Variants in GRID1 observed in about 807,000 individuals in gnomAD.
The protein encoded by GRID1 is glutamate ionotropic receptor delta type subunit 1.
In GRID1, 28 loss-of-function variants were observed where a neutral mutation model predicts 98.0. The ratio of observed to expected loss-of-function variants is 0.29; its 90% CI spans 0.21 to 0.39. The LOEUF (loss-of-function observed/expected upper bound fraction) is 0.39. GRID1 is among the 10% of genes least tolerant of loss of function. The probability of loss-of-function intolerance (pLI) is 1.00; values close to 1 mark genes in which losing one functional copy is unlikely to be tolerated. For missense variants in GRID1, 1,111 were observed against 1,340.5 expected (o/e 0.83, Z 2.67); for synonymous variants, 553 against 538.5 (o/e 1.03, Z -0.37).
At chr10:86,189,682 G>A (rs746529984) in intron 3 of GRID1, among the ~76,000 whole-genome samples, 10 of 152,134 alleles carry the variant, frequency 6.6e-5, no homozygotes, top group Non-Finnish European at 1.0e-4. Context: ...GTCAGGGGCT[G>A]TCTTAAGCGG....
intron 2 of GRID1, among the ~76,000 whole-genome samples, chr10:86,218,916 AGGACAATGC>A (rs1261266719): frequency 6.6e-6 from 1 of 152,226 alleles, no homozygotes; most frequent in Admixed American, 6.5e-5. Flanking sequence ...AGGCAGCAAC[AGGACAATGC>A]GGGATGTACA....
At chr10:85,924,782 A>G (rs1296433420) in intron 4 of GRID1, among the ~76,000 whole-genome samples, 1 of 152,252 alleles carries the variant, frequency 6.6e-6, no homozygotes, top group Non-Finnish European at 1.5e-5. Flanking sequence ...CTAGTAAATC[A>G]TTAGACCTCC....
chr10:85,937,348 A>G (rs1841940841), intron 4 of GRID1, among the ~76,000 whole-genome samples: 2 of 152,226 alleles, frequency 1.3e-5, no homozygotes, highest in South Asian at 4.1e-4. Flanking sequence ...TCAGCAGGGG[A>G]AAAAGGTAGC....
At chr10:86,295,516 G>A (rs952099998) in intron 2 of GRID1, among the ~76,000 whole-genome samples, 1 of 152,156 alleles carries the variant, frequency 6.6e-6, no homozygotes, top group South Asian at 2.1e-4. Context: ...AACTATATAG[G>A]GAACAAAACT....
intron 4 of GRID1, among the ~76,000 whole-genome samples, chr10:85,958,453 C>G (rs1173105609): frequency 1.3e-5 from 2 of 152,150 alleles, no homozygotes; most frequent in Non-Finnish European, 2.9e-5. Context: ...GAATATTAAT[C>G]TGAGTGTGTC....
At chr10:86,113,244 C>A (rs11201886) in intron 4 of GRID1, among the ~76,000 whole-genome samples, 80,079 of 151,894 alleles carry the variant, frequency 0.53, 23,518 homozygotes, top group East Asian at 0.71. Context: ...AACCCCAACT[C>A]CTCGTCTAGC....
intron 5 of GRID1, among the ~76,000 whole-genome samples, chr10:85,894,923 G>A (rs574112802): frequency 4.8e-4 from 71 of 149,058 alleles, no homozygotes; most frequent in Middle Eastern, 3.5e-3. Context: ...CAGGAGAATC[G>A]CTTGAACCTG....
intron 4 of GRID1, among the ~76,000 whole-genome samples, chr10:86,035,728 G>A (rs1490279925): frequency 6.6e-6 from 1 of 152,150 alleles, no homozygotes; most frequent in Non-Finnish European, 1.5e-5. Context: ...GAGGGAGACA[G>A]ATAATGAGCA....
chr10:86,298,861 G>C (rs765028128), intron 2 of GRID1, among the ~76,000 whole-genome samples: 5 of 152,176 alleles, frequency 3.3e-5, no homozygotes, highest in Non-Finnish European at 5.9e-5. Flanking sequence ...GGCTGACATT[G>C]GTAATGGTTT....
chr10:86,148,020 C>G (rs946759612), intron 3 of GRID1, among the ~76,000 whole-genome samples: 3 of 152,244 alleles, frequency 2.0e-5, no homozygotes, highest in African/African-American at 4.8e-5. Flanking sequence ...CCCCCCTCCT[C>G]CTTTCTGCCT....
chr10:85,837,226 C>G (rs999818285), intron 8 of GRID1, among the ~76,000 whole-genome samples: 12 of 152,152 alleles, frequency 7.9e-5, no homozygotes, highest in Non-Finnish European at 8.8e-5. Context: ...CAATCACTAG[C>G]TTATGGGGGC....
intron 12 of GRID1, among the ~76,000 whole-genome samples, chr10:85,684,156 A>G (rs1030620014): frequency 3.3e-5 from 5 of 152,248 alleles, no homozygotes; most frequent in African/African-American, 9.6e-5. Flanking sequence ...ATAATGGACT[A>G]TGAAGCAAGT....
chr10:85,789,944 C>A (rs980397611), intron 8 of GRID1, among the ~76,000 whole-genome samples: 1 of 152,208 alleles, frequency 6.6e-6, no homozygotes, highest in Non-Finnish European at 1.5e-5. Context: ...TGGCAGCACC[C>A]GCCCTCATGG....
At chr10:86,154,927 C>A (rs931757595) in intron 3 of GRID1, among the ~76,000 whole-genome samples, 1 of 152,154 alleles carries the variant, frequency 6.6e-6, no homozygotes, top group Non-Finnish European at 1.5e-5. Flanking sequence ...CCCAGCAACC[C>A]CAGGAGGGCA....
intron 2 of GRID1, among the ~76,000 whole-genome samples, chr10:86,278,239 A>G (rs1370385828): frequency 6.6e-6 from 1 of 152,158 alleles, no homozygotes; most frequent in Non-Finnish European, 1.5e-5. Context: ...CATAATCAAA[A>G]AAGAAGTGGG....
At position 86,173,910 on chromosome 10, in the gene GRID1, A is replaced by AT. The variant is rs926665304; in HGVS notation, c.520+32453dup. Among the ~76,000 whole-genome samples the AT allele has an allele frequency of 4.1e-4, 62 of 150,682 alleles. 1 individual carries two copies. The highest frequency in any genetic ancestry group is 1.1e-3 in the African/African-American group (44 of 41,068). On this transcript the variant is annotated intron_variant, in intron 3 of 15. Transcript: ENST00000327946. ...TCCCTACAAAGGACATGAACTCATC[A>AT]TTTTTTTTTGGCTGCATAGTATTCC...
At chr10:85,910,154 G>C (rs144407137) in intron 5 of GRID1, among the ~76,000 whole-genome samples, 1 of 152,146 alleles carries the variant, frequency 6.6e-6, no homozygotes, top group East Asian at 1.9e-4. Context: ...AATTGTTTTC[G>C]AGTGTTACTA....
intron 13 of GRID1, among the ~76,000 whole-genome samples, chr10:85,625,551 A>G (rs1461159559): frequency 1.3e-5 from 2 of 152,234 alleles, no homozygotes; most frequent in Non-Finnish European, 2.9e-5. Context: ...AGTCAAAGGC[A>G]TGTGAGCATC....
chr10:86,185,294 T>C (rs756569938), intron 3 of GRID1, among the ~76,000 whole-genome samples: 24 of 152,196 alleles, frequency 1.6e-4, no homozygotes, highest in Admixed American at 1.2e-3. Context: ...ATTGCTAGTA[T>C]GTAGATACAA....
Sources: gnomAD v4.1 joint callset for allele counts (sites outside exome capture counted in the v4.1 genomes callset) on GRCh38, gnomAD v4.1.1 for gene constraint, MANE v1.5 for transcripts, NCBI Gene and HGNC (gene_info 2026-07-23, HGNC 2026-07-21) for gene names.